ZFR2: variants seen among roughly 807,000 people sequenced by gnomAD.
The protein encoded by ZFR2 is zinc finger RNA-binding protein 2.
Under a neutral mutation model 105.7 loss-of-function variants are expected in ZFR2, and 104 were observed. That is an observed-to-expected ratio of 0.98 (90% CI 0.84 to 1.16). ZFR2 has a LOEUF of 1.16. Ranked by LOEUF, ZFR2 falls within the 50% of genes most tolerant of loss-of-function variation. The pLI, the probability that ZFR2 is intolerant of heterozygous loss-of-function variation, is 0.00. For synonymous variants in ZFR2, 634 were observed against 597.7 expected, an observed-to-expected ratio of 1.06 and a Z score of -0.89; for missense variants, 1,425 against 1,355.5, an observed-to-expected ratio of 1.05 and a Z score of -0.80.
intron 1 of ZFR2, among the ~76,000 whole-genome samples, chr19:3,864,108 T>C (rs941570791): frequency 1.3e-5 from 2 of 152,006 alleles, no homozygotes; most frequent in African/African-American, 2.4e-5. Flanking sequence ...CAGAATCTAA[T>C]TGCAGGGAGG....
At chr19:3,806,173 C>G (rs561081812) in intron 18 of ZFR2, 48 bp from the exon 19 acceptor site, 2 of 1,391,350 alleles carry the variant, frequency 1.4e-6, no homozygotes, top group East Asian at 5.9e-5. Context: ...CTCTGCTCCC[C>G]GAGTGCTGGG....
At position 3,821,348 on chromosome 19, in the gene ZFR2, C is replaced by T. The variant is rs770364768; in HGVS notation, c.1623G>A (p.Ala541=). The change falls in exon 10 of 19, where the codon GCG becomes GCA. Residue 541 remains alanine (A), a synonymous_variant. Transcript: ENST00000262961. ...GACCCGCAGCCGGGCACCTCCTCTC[C>T]GCGTGCCAGCGCCGCAGCTGCTCCA... is the stretch of plus-strand genomic sequence containing the variant. ...ERLEQLRRWH[A]ERRRLEEEPP... 6.9e-5 allele frequency: 110 copies of T among 1,596,108 alleles called. No homozygotes were observed. Among genetic ancestry groups the T allele is most frequent in the Non-Finnish European group, 8.3e-5 (97 of 1,173,552 alleles).
intron 1 of ZFR2, chr19:3,852,156 C>CGGGGCTCAGCTGGGTGGCTCTTCTGGCCA (rs1599251578): frequency 5.1e-6 from 2 of 390,076 alleles, no homozygotes; most frequent in Admixed American, 4.4e-5. Context: ...TCTTCTGGCC[C>CGGGGCTCAGCTGGGTGGCTCTTCTGGCCA]AGGCGGGGCT....
chr19:3,822,029 CG>C, intron 9 of ZFR2, 51 bp downstream of exon 9: 2 of 1,531,420 alleles, frequency 1.3e-6, no homozygotes, highest in Admixed American at 4.0e-5. Context: ...CAGCGCCCGC[CG>C]GGCCCTAGCA....
At chr19:3,868,538 G>A (rs2038460858) in intron 1 of ZFR2, among the ~76,000 whole-genome samples, 1 of 151,262 alleles carries the variant, frequency 6.6e-6, no homozygotes, top group Non-Finnish European at 1.5e-5. Flanking sequence ...TCTCCTCCCT[G>A]CATTGGGTCA....
At chr19:3,844,013 T>TGGG (rs778178853) in intron 1 of ZFR2, among the ~76,000 whole-genome samples, 1,014 of 34,478 alleles carry the variant, frequency 0.029, 15 homozygotes, top group East Asian at 0.12. Context: ...AAGTAGGATG[T>TGGG]GGGGGGGGGG....
At position 3,823,663 on chromosome 19, in the gene ZFR2, CCCA is replaced by C. The variant is rs1326252321; in HGVS notation, c.1214-263_1214-261del. On this transcript the variant is annotated intron_variant, in intron 7 of 18. Coordinates refer to ENST00000262961, the MANE Select transcript of ZFR2 (RefSeq NM_015174.2). The surrounding 1 kb of genome is among the most constrained non-coding windows in gnomAD (Gnocchi z 5.4). ...TGGTTTTAGGCCCTCGCTTGAGGAA[CCCA>C]CCGACAGCACAAAATCCACAGTTAA... 2.0e-5 allele frequency among the ~76,000 whole-genome samples: 3 copies of C among 152,126 alleles called. No individual in the cohort carries two copies. Among genetic ancestry groups the C allele is most frequent in the Non-Finnish European group, 4.4e-5 (3 of 68,038 alleles).
chr19:3,819,721 G>A (rs1009496353), intron 11 of ZFR2, among the ~76,000 whole-genome samples: 12 of 152,078 alleles, frequency 7.9e-5, no homozygotes, highest in Admixed American at 3.3e-4. Flanking sequence ...GCGTGGTGGC[G>A]GGCGCCCATA....
At chr19:3,832,427 T>C (rs8108221) in intron 3 of ZFR2, among the ~76,000 whole-genome samples, 37,582 of 151,460 alleles carry the variant, frequency 0.25, 5,158 homozygotes, top group South Asian at 0.38. Context: ...GTTCAAGTGA[T>C]TCTCCTGCCT....
At chr19:3,817,680 T>C (rs1401992678) in intron 12 of ZFR2, among the ~76,000 whole-genome samples, 1 of 143,100 alleles carries the variant, frequency 7.0e-6, no homozygotes, top group African/African-American at 2.6e-5. Context: ...CACTTGAACC[T>C]GGGAGGCAGA....
At chr19:3,807,035 C>T (rs143341909) in intron 18 of ZFR2, 137 bp downstream of exon 18, 22 of 673,152 alleles carry the variant, frequency 3.3e-5, no homozygotes, top group African/African-American at 1.6e-4. Flanking sequence ...CTGCCACCCA[C>T]GGGCCGCCCT....
intron 1 of ZFR2, among the ~76,000 whole-genome samples, chr19:3,850,900 C>CA (rs59933286): frequency 0.2 from 18,728 of 91,530 alleles, 2,242 homozygotes; most frequent in African/African-American, 0.31. Context: ...GCAGTCTTTT[C>CA]AAAAAAAAAA....
At chr19:3,832,017 G>T (rs116853310) in intron 3 of ZFR2, 139 bp from the exon 4 acceptor site, 2 of 653,560 alleles carry the variant, frequency 3.1e-6, no homozygotes, top group Non-Finnish European at 4.6e-6. Context: ...TGGGCCAGGT[G>T]CTGGCAGCGA....
At chr19:3,850,027 C>A (rs557936457) in intron 1 of ZFR2, among the ~76,000 whole-genome samples, 2 of 152,230 alleles carry the variant, frequency 1.3e-5, no homozygotes, top group South Asian at 4.1e-4. Flanking sequence ...GCAAGATACC[C>A]TTGACCTCGC....
rs572626450 is a variant in ZFR2 at position 3,816,549 on chromosome 19, T to C, written c.2103+125A>G. On this transcript the variant is annotated intron_variant, in intron 13 of 18. Coordinates refer to ENST00000262961, the MANE Select transcript of ZFR2 (RefSeq NM_015174.2). ...ACGTGAGCCACTGCGCCTGGCTTAATGCTTCTTGTACCTTAAAGTTGTGTA... is the reference window on the plus strand; with the variant it reads ...ACGTGAGCCACTGCGCCTGGCTTAACGCTTCTTGTACCTTAAAGTTGTGTA... 4.3e-6 allele frequency: 6 copies of C among 1,390,510 alleles called. No individual in the cohort carries two copies. The African/African-American group carries it at 8.8e-5, about 20-fold the overall frequency. The allele number at this position is 1,390,510 out of a possible 1,614,324, so 86.1% of individuals were successfully genotyped here. A position where few individuals can be genotyped will look rare whatever the true frequency, so the allele number is the denominator to read the frequency against.
At chr19:3,857,344 G>A (rs994557289) in intron 1 of ZFR2, among the ~76,000 whole-genome samples, 2 of 151,956 alleles carry the variant, frequency 1.3e-5, no homozygotes, top group Non-Finnish European at 2.9e-5. Flanking sequence ...CGGCCTGCAG[G>A]CTGTCAATTT....
chr19:3,841,903 C>T (rs1435849118), intron 1 of ZFR2, among the ~76,000 whole-genome samples: 1 of 152,080 alleles, frequency 6.6e-6, no homozygotes, highest in Non-Finnish European at 1.5e-5. Flanking sequence ...TCTCGTGCCT[C>T]AGCCTCCCAA....
rs535215121 is a variant in ZFR2, at chr19:3,832,577, C to T, written c.380-699G>A. The stretch of plus-strand genomic sequence containing the variant: ...CCTTGTGATCCACCCGCCTCTGCCT[C>T]GCAAAGTGCTGGGATTACAGGCGTG... On this transcript the variant is annotated intron_variant, in intron 3 of 18. Transcript: ENST00000262961. 3.4e-4 allele frequency among the ~76,000 whole-genome samples: 52 copies of T among 152,026 alleles called. 1 individual carries two copies. The South Asian group carries it at 6.2e-3, about 18-fold the overall frequency.
chr19:3,821,494 C>G lies in ZFR2; in HGVS notation c.1492-15G>C, dbSNP rs1182779077. The G allele has an allele frequency of 1.9e-6, 3 of 1,585,300 alleles. No homozygotes were observed. In the East Asian group the frequency reaches 6.8e-5, roughly 36 times the overall value. ...TTCACTTTCTTCTGGAAAGGACAGG[C>G]AAGGCTCTGAGAGTAGGGACCTTGC... On this transcript the variant is annotated splice_polypyrimidine_tract_variant and intron_variant, in intron 9 of 18. Coordinates refer to ENST00000262961, the MANE Select transcript of ZFR2 (RefSeq NM_015174.2).
Sources: gnomAD v4.1 joint callset for allele counts (sites outside exome capture counted in the v4.1 genomes callset) on GRCh38, gnomAD v4.1.1 for gene constraint, Gnocchi (gnomAD v3.1) non-coding constraint, MANE v1.5 for transcripts, NCBI Gene and HGNC (gene_info 2026-07-23, HGNC 2026-07-21) for gene names.